The following ZDHHC11B variants were observed in gnomAD, a reference collection of about 807,000 sequenced individuals.
The protein encoded by ZDHHC11B is zDHHC palmitoyltransferase 11B (putative).
ZDHHC11B carries 17 observed loss-of-function variants against 42.3 expected under a neutral mutation model. The ratio of observed to expected loss-of-function variants is 0.40; its 90% CI spans 0.27 to 0.60. The LOEUF is 0.60. ZDHHC11B is among the 20% of genes least tolerant of loss of function. ZDHHC11B has a pLI of 0.41. For missense variants in ZDHHC11B, 262 were observed against 463.2 expected, an observed-to-expected ratio of 0.57 and a Z score of 3.99; for synonymous variants, 123 against 193.5, an observed-to-expected ratio of 0.64 and a Z score of 3.02.
At position 765,741 on chromosome 5, in the gene ZDHHC11B, C is replaced by G. The variant is rs1367277003; in HGVS notation, c.222+957G>C. On this transcript the variant is annotated intron_variant, in intron 4 of 13. Transcript: ENST00000508859. ...AAGGTCTGCAGCTTCATTCCTGAACCAGGGATACCCCAAACCACCAGAAGG... is the reference window on the plus strand; with the variant it reads ...AAGGTCTGCAGCTTCATTCCTGAACGAGGGATACCCCAAACCACCAGAAGG... 5.9e-5 allele frequency among the ~76,000 whole-genome samples: 9 copies of G among 151,928 alleles called. 1 individual carries two copies. The highest frequency in any genetic ancestry group is 1.9e-4 in the East Asian group (1 of 5,194).
intron 11 of ZDHHC11B, chr5:732,674 C>T: frequency 2.2e-6 from 1 of 449,070 alleles, no homozygotes; most frequent in South Asian, 1.6e-5. Context: ...CCTGCCCCCA[C>T]AGGGAAGGAC....
chr5:720,826 T>A (rs1371295292), intron 12 of ZDHHC11B, among the ~76,000 whole-genome samples: 1 of 151,584 alleles, frequency 6.6e-6, no homozygotes. Flanking sequence ...GAAACTAAGT[T>A]GGGGCTGACT....
In ZDHHC11B at chr5:746,245, G is replaced by A. The variant is rs1188771057; in HGVS notation, c.785-947C>T. ...ACTATTTCTGGAGACTGGGGCGGCCGCCCACAGAGGCCTATTTGCAGTGAG... is the reference window on the plus strand; with the variant it reads ...ACTATTTCTGGAGACTGGGGCGGCCACCCACAGAGGCCTATTTGCAGTGAG... On this transcript the variant is annotated intron_variant, in intron 8 of 13. Coordinates refer to ENST00000508859, the MANE Select transcript of ZDHHC11B (RefSeq NM_001351303.2). Among the ~76,000 whole-genome samples the A allele has an allele frequency of 7.5e-5, 11 of 146,402 alleles. 1 individual carries two copies. Among genetic ancestry groups the A allele is most frequent in the African/African-American group, 2.5e-4 (10 of 40,480 alleles).
At chr5:777,422 T>TGG (rs1420307616) in intron 1 of ZDHHC11B, among the ~76,000 whole-genome samples, 2 of 151,634 alleles carry the variant, frequency 1.3e-5, no homozygotes, top group South Asian at 2.1e-4. Flanking sequence ...CTGCAGACCT[T>TGG]CGCTGCAGAC....
chr5:720,084 G>A (rs1176000090), intron 12 of ZDHHC11B, among the ~76,000 whole-genome samples: 1 of 151,740 alleles, frequency 6.6e-6, no homozygotes, highest in East Asian at 1.9e-4. Flanking sequence ...AGATAATGGG[G>A]GAGCAGGAGA....
rs530726983 is a variant in ZDHHC11B at position 744,400 on chromosome 5, T to G, written c.900+783A>C. On this transcript the variant is annotated intron_variant, in intron 9 of 13. Coordinates refer to ENST00000508859, the MANE Select transcript of ZDHHC11B (RefSeq NM_001351303.2). ...TTGTATTGTATTTTTTCTTTAAATC[T>G]TTGCTGGAATTCATGCATGAAGACT... 2.0e-5 allele frequency among the ~76,000 whole-genome samples: 3 copies of G among 149,414 alleles called. No homozygotes were observed. The East Asian group carries it at 6.2e-4, about 31-fold the overall frequency.
intron 12 of ZDHHC11B, among the ~76,000 whole-genome samples, chr5:717,523 G>A (rs867203986): frequency 3.3e-5 from 5 of 151,818 alleles, no homozygotes; most frequent in African/African-American, 1.2e-4. Context: ...AGACCCACAA[G>A]CAAAAAAGTC....
intron 12 of ZDHHC11B, among the ~76,000 whole-genome samples, chr5:723,315 G>T (rs1398187512): frequency 7.1e-6 from 1 of 141,018 alleles, no homozygotes; most frequent in Non-Finnish European, 1.6e-5. Flanking sequence ...ACCCTGGGCA[G>T]TGATGTTCAC....
At chr5:743,484 C>G (rs1398488339) in intron 9 of ZDHHC11B, among the ~76,000 whole-genome samples, 1 of 148,050 alleles carries the variant, frequency 6.8e-6, no homozygotes, top group Non-Finnish European at 1.5e-5. Context: ...TGTGGTAAAT[C>G]TGTAGATAAG....
At chr5:748,269 G>T in intron 8 of ZDHHC11B, 135 bp downstream of exon 8, 1 of 712,528 alleles carries the variant, frequency 1.4e-6, no homozygotes, top group South Asian at 1.9e-5. Context: ...GAACACATGC[G>T]CACACGGGGG....
At chr5:733,510 G>C in intron 11 of ZDHHC11B, among the ~76,000 whole-genome samples, 1 of 151,628 alleles carries the variant, frequency 6.6e-6, no homozygotes, top group East Asian at 1.9e-4. Flanking sequence ...TGGTGCTCCA[G>C]TGCTGGGGGC....
intron 12 of ZDHHC11B, among the ~76,000 whole-genome samples, chr5:723,836 G>A (rs1193847707): frequency 2.2e-5 from 3 of 136,250 alleles, no homozygotes; most frequent in African/African-American, 7.9e-5. Context: ...GGAAAACTGA[G>A]CACTGCAGCC....
At chr5:737,823 T>C (rs1743710037) in intron 10 of ZDHHC11B, among the ~76,000 whole-genome samples, 1 of 146,872 alleles carries the variant, frequency 6.8e-6, no homozygotes, top group African/African-American at 2.5e-5. Flanking sequence ...AAGCCCTCTA[T>C]GACAAACCCA....
chr5:772,737 G>A (rs1427367393), intron 1 of ZDHHC11B, among the ~76,000 whole-genome samples: 4 of 151,740 alleles, frequency 2.6e-5, no homozygotes, highest in African/African-American at 9.7e-5. Flanking sequence ...CAGCCTTTCT[G>A]CACCAAGGGG....
At chr5:715,376 G>A (rs1741673285) in intron 13 of ZDHHC11B, among the ~76,000 whole-genome samples, 1 of 151,222 alleles carries the variant, frequency 6.6e-6, no homozygotes, top group African/African-American at 2.4e-5. Flanking sequence ...CAAAGGAAAT[G>A]GTGGGAGGAG....
intron 4 of ZDHHC11B, among the ~76,000 whole-genome samples, chr5:765,604 T>G (rs1398129840): frequency 4.6e-5 from 7 of 151,888 alleles, no homozygotes; most frequent in Non-Finnish European, 7.4e-5. Flanking sequence ...GCAAACTGCT[T>G]GGGTTCTCTT....
chr5:774,891 C>A (rs1412401287), intron 1 of ZDHHC11B, among the ~76,000 whole-genome samples: 2 of 151,964 alleles, frequency 1.3e-5, no homozygotes, highest in Non-Finnish European at 2.9e-5. Context: ...TGCCCACGCC[C>A]ACGCGGGGGT....
At chr5:736,627 G>A (rs1423146233) in intron 10 of ZDHHC11B, among the ~76,000 whole-genome samples, 3 of 141,324 alleles carry the variant, frequency 2.1e-5, no homozygotes, top group African/African-American at 7.8e-5. Flanking sequence ...TATCTTTTCA[G>A]ACCACAGGGG....
chr5:773,506 T>C (rs1561200395), intron 1 of ZDHHC11B, among the ~76,000 whole-genome samples: 1 of 151,836 alleles, frequency 6.6e-6, no homozygotes, highest in Non-Finnish European at 1.5e-5. Context: ...CCCAGACCTG[T>C]GCCCACCATC....
Sources: gnomAD v4.1 joint callset for allele counts (sites outside exome capture counted in the v4.1 genomes callset) on GRCh38, gnomAD v4.1.1 for gene constraint, MANE v1.5 for transcripts, NCBI Gene and HGNC (gene_info 2026-07-23, HGNC 2026-07-21) for gene names.